ZNRF2: variants seen among roughly 807,000 people sequenced by gnomAD.
ZNRF2 encodes E3 ubiquitin-protein ligase ZNRF2.
In ZNRF2, 16 loss-of-function variants were observed where a neutral mutation model predicts 20.4. The ratio of observed to expected loss-of-function variants is 0.79; its 90% confidence interval spans 0.53 to 1.19. ZNRF2 has a LOEUF of 1.19. Ranked by LOEUF, ZNRF2 falls within the 50% of genes most tolerant of loss-of-function variation. The pLI, the probability that ZNRF2 is intolerant of heterozygous loss-of-function variation, is 0.00. For synonymous variants in ZNRF2, 178 were observed against 144.9 expected (o/e 1.23, Z -1.64); for missense variants, 363 against 332.4 (o/e 1.09, Z -0.72).
At chr7:30,327,034 C>T (rs554816941) in intron 2 of ZNRF2, among the ~76,000 whole-genome samples, 1 of 151,980 alleles carries the variant, frequency 6.6e-6, no homozygotes, top group Non-Finnish European at 1.5e-5. Context: ...GGATATTAAA[C>T]CTTTGTCAGA....
intron 3 of ZNRF2, among the ~76,000 whole-genome samples, chr7:30,356,348 CA>C (rs1562621953): frequency 6.6e-6 from 1 of 150,408 alleles, no homozygotes; most frequent in African/African-American, 2.4e-5. Context: ...GATGAAAATA[CA>C]GTACTTAAGT....
At chr7:30,323,184 T>A (rs1034171148) in intron 1 of ZNRF2, among the ~76,000 whole-genome samples, 3 of 152,160 alleles carry the variant, frequency 2.0e-5, no homozygotes, top group African/African-American at 7.2e-5. Flanking sequence ...TCAGATAAAA[T>A]TTTAAGGTTA....
At chr7:30,354,250 G>A (rs187938973) in intron 2 of ZNRF2, among the ~76,000 whole-genome samples, 1 of 152,206 alleles carries the variant, frequency 6.6e-6, no homozygotes, top group African/African-American at 2.4e-5. Context: ...ATCTTTACCT[G>A]CTTAAGTTTC....
intron 2 of ZNRF2, among the ~76,000 whole-genome samples, chr7:30,352,901 A>G (rs561491391): frequency 6.6e-6 from 1 of 152,218 alleles, no homozygotes; most frequent in African/African-American, 2.4e-5. Flanking sequence ...AATGTATCAC[A>G]TTACTAACAA....
chr7:30,286,885 A>T (rs941089252), intron 1 of ZNRF2, among the ~76,000 whole-genome samples: 1 of 152,210 alleles, frequency 6.6e-6, no homozygotes, highest in Non-Finnish European at 1.5e-5. Flanking sequence ...GCTTTTACTT[A>T]TATATTTGTA....
chr7:30,328,148 C>T (rs967782462), intron 2 of ZNRF2, among the ~76,000 whole-genome samples: 10 of 152,100 alleles, frequency 6.6e-5, no homozygotes, highest in East Asian at 5.8e-4. Flanking sequence ...CAGACCCCCC[C>T]CAAAATGTCT....
intron 3 of ZNRF2, among the ~76,000 whole-genome samples, chr7:30,356,855 G>A (rs1800047906): frequency 6.6e-6 from 1 of 151,916 alleles, no homozygotes; most frequent in Non-Finnish European, 1.5e-5. Context: ...ACAGGCGCCT[G>A]CCACCATGCC....
intron 2 of ZNRF2, among the ~76,000 whole-genome samples, chr7:30,332,554 C>T (rs1465633692): frequency 1.3e-5 from 2 of 152,096 alleles, no homozygotes; most frequent in Non-Finnish European, 2.9e-5. Context: ...TTCCCTGTGT[C>T]TGTTGTTTCT....
At chr7:30,345,955 T>C (rs555231759) in intron 2 of ZNRF2, among the ~76,000 whole-genome samples, 1 of 152,150 alleles carries the variant, frequency 6.6e-6, no homozygotes, top group East Asian at 1.9e-4. Context: ...TTACACTCTT[T>C]ATTTTTCTGT....
At chr7:30,318,702 T>G (rs571219001) in intron 1 of ZNRF2, among the ~76,000 whole-genome samples, 1 of 152,348 alleles carries the variant, frequency 6.6e-6, no homozygotes, top group Non-Finnish European at 1.5e-5. Flanking sequence ...TCTTTTTGCC[T>G]TAGTCATCAA....
intron 1 of ZNRF2, among the ~76,000 whole-genome samples, chr7:30,303,106 C>A (rs1799144637): frequency 6.6e-6 from 1 of 151,868 alleles, no homozygotes; most frequent in African/African-American, 2.4e-5. Flanking sequence ...CATGGAAAAA[C>A]CCCGTCTCTA....
intron 1 of ZNRF2, among the ~76,000 whole-genome samples, chr7:30,323,191 G>A (rs1369440434): frequency 6.6e-6 from 1 of 152,090 alleles, no homozygotes; most frequent in Non-Finnish European, 1.5e-5. Context: ...AAATTTTAAG[G>A]TTATTGAGGT....
intron 3 of ZNRF2, among the ~76,000 whole-genome samples, chr7:30,360,491 C>G (rs539261702): frequency 6.6e-6 from 1 of 152,004 alleles, no homozygotes; most frequent in Non-Finnish European, 1.5e-5. Context: ...AGTTCAAGAC[C>G]AGCCTGACCA....
chr7:30,365,239 C>T (rs1800194738), intron 4 of ZNRF2, among the ~76,000 whole-genome samples: 1 of 142,408 alleles, frequency 7.0e-6, no homozygotes, highest in Admixed American at 7.5e-5. Flanking sequence ...TTTAGTGTCA[C>T]AGTGAGCTTA....
intron 1 of ZNRF2, among the ~76,000 whole-genome samples, chr7:30,322,819 A>G (rs1225517421): frequency 1.3e-5 from 2 of 152,178 alleles, no homozygotes; most frequent in East Asian, 1.9e-4. Flanking sequence ...GGAACATGGT[A>G]TATCTGAGGA....
At chr7:30,292,560 A>G (rs868690068) in intron 1 of ZNRF2, among the ~76,000 whole-genome samples, 16 of 152,122 alleles carry the variant, frequency 1.1e-4, no homozygotes, top group African/African-American at 3.9e-4. Flanking sequence ...TGGAAAAAAA[A>G]TGGAGTGCAA....
chr7:30,317,289 C>T (rs1240261398), intron 1 of ZNRF2, among the ~76,000 whole-genome samples: 1 of 95,416 alleles, frequency 1.0e-5, no homozygotes. Flanking sequence ...TTCTGCCCCA[C>T]AGGTATCAAA....
intron 1 of ZNRF2, among the ~76,000 whole-genome samples, chr7:30,314,553 A>G (rs1396245816): frequency 6.6e-6 from 1 of 151,966 alleles, no homozygotes; most frequent in East Asian, 1.9e-4. Context: ...TTGATGGGCT[A>G]GAAGGTAATA....
chr7:30,295,609 C>A (rs186142837), intron 1 of ZNRF2, among the ~76,000 whole-genome samples: 1 of 152,302 alleles, frequency 6.6e-6, no homozygotes, highest in East Asian at 1.9e-4. Context: ...ACTCCAGAGG[C>A]TGAAGCAGGA....
Sources: gnomAD v4.1 joint callset for allele counts (sites outside exome capture counted in the v4.1 genomes callset) on GRCh38, gnomAD v4.1.1 for gene constraint, MANE v1.5 for transcripts, NCBI Gene and HGNC (gene_info 2026-07-23, HGNC 2026-07-21) for gene names.